The following INPP4A variants were observed in gnomAD, a reference collection of about 807,000 sequenced individuals.
INPP4A encodes the protein inositol polyphosphate-4-phosphatase, type I, 107kD.
A neutral mutation model predicts 119.8 loss-of-function variants in INPP4A; 33 were observed. The observed-to-expected ratio is 0.28, with a 90% CI of 0.21 to 0.37. INPP4A has a LOEUF of 0.37. Ranked by LOEUF, INPP4A falls within the 10% of genes least tolerant of loss-of-function variation. INPP4A has a pLI of 1.00. For missense variants in INPP4A, 956 were observed against 1,289.9 expected, an observed-to-expected ratio of 0.74 and a Z score of 3.97; for synonymous variants, 496 against 500.7, an observed-to-expected ratio of 0.99 and a Z score of 0.12.
chr2:98,566,280 C>A lies in INPP4A; in HGVS notation c.2420+111C>A. On this transcript the variant is annotated intron_variant, in intron 21 of 24. Transcript: ENST00000409851. The surrounding 1 kb of genome is among the most constrained non-coding windows in gnomAD (Gnocchi z 4.2). ...GTGCTGGACAGACTTTGTCATCCTT[C>A]CTTCCTTTGGCCAACATTTTCATCA... is the stretch of plus-strand genomic sequence containing the variant. 1 of 1,217,648 alleles carries A rather than the reference C, an allele frequency of 8.2e-7. No homozygotes were observed. The highest frequency in any genetic ancestry group is 1.1e-6 in the Non-Finnish European group (1 of 905,886). 75.4% of individuals were successfully genotyped at this position (1,217,648 alleles called of 1,614,324 possible).
intron 1 of INPP4A, among the ~76,000 whole-genome samples, chr2:98,448,583 G>C (rs1291803831): frequency 2.0e-5 from 3 of 151,982 alleles, no homozygotes; most frequent in Non-Finnish European, 2.9e-5. Context: ...GAAGACTACT[G>C]ACTTTTTAAG....
rs550142051 is a variant in INPP4A, at chr2:98,559,471, C to A, written c.1831C>A (p.Pro611Thr). Reference protein sequence around the residue: ...CHPHLTTHCSPPPEESSPGEW... With the variant: ...CHPHLTTHCSTPPEESSPGEW... The stretch of plus-strand genomic sequence containing the variant: ...CCTCCATTTCTGTGCAGATTGCAGT[C>A]CCCCTCCTGAAGAGTCCAGCCCAGG... Residue 611 changes from proline (P) to threonine (T), a missense_variant, in exon 17 of 25, where the codon CCC (proline) becomes ACC (threonine). By Grantham distance (38) the Pro-to-Thr change is conservative (BLOSUM62 -1). This residue lies in a region of INPP4A where 652 missense variants were observed against 797.9 expected (regional missense o/e 0.82). Transcript: ENST00000409851. 3.7e-6 allele frequency: 6 copies of A among 1,614,020 alleles called. No individual in the cohort carries two copies. The highest frequency in any genetic ancestry group is 5.1e-6 in the Non-Finnish European group (6 of 1,179,894).
At chr2:98,536,826 T>C (rs1690377427) in intron 7 of INPP4A, among the ~76,000 whole-genome samples, 1 of 152,176 alleles carries the variant, frequency 6.6e-6, no homozygotes, top group African/African-American at 2.4e-5. Context: ...CCCTGCAGTA[T>C]TGAGACATTC....
intron 1 of INPP4A, among the ~76,000 whole-genome samples, chr2:98,482,767 C>T (rs1678737792): frequency 6.6e-6 from 1 of 152,222 alleles, no homozygotes; most frequent in Non-Finnish European, 1.5e-5. Flanking sequence ...AGCTTTTGAT[C>T]TAAGCTTACA....
intron 24 of INPP4A, among the ~76,000 whole-genome samples, chr2:98,577,819 C>T (rs1279664595): frequency 6.6e-6 from 1 of 152,186 alleles, no homozygotes; most frequent in African/African-American, 2.4e-5. Flanking sequence ...CAGCCCCCTA[C>T]CTCACATACC....
At chr2:98,575,941 T>G (rs772183906) in intron 23 of INPP4A, among the ~76,000 whole-genome samples, 2 of 152,228 alleles carry the variant, frequency 1.3e-5, no homozygotes, top group Non-Finnish European at 2.9e-5. Context: ...GAAAGTACTG[T>G]GGTACACAGT....
chr2:98,543,058 T>C (rs1189888432), intron 10 of INPP4A, among the ~76,000 whole-genome samples: 3 of 152,078 alleles, frequency 2.0e-5, no homozygotes, highest in African/African-American at 7.2e-5. Context: ...TAGCTGGGAC[T>C]ACAGGCGCCC....
intron 7 of INPP4A, among the ~76,000 whole-genome samples, chr2:98,536,752 T>C (rs1690363288): frequency 6.6e-6 from 1 of 152,076 alleles, no homozygotes. Flanking sequence ...AAGGTAAAAA[T>C]TGGAGAACTG....
Position 98,566,219 on chromosome 2 carries a change from A to G in INPP4A, c.2420+50A>G. Reference sequence around the variant, plus strand: ...CGGGGGTGTGGTGGCCCTGGAGATGATGCAGAAAACGTACTTACCCCTCTT... The same window carrying G: ...CGGGGGTGTGGTGGCCCTGGAGATGGTGCAGAAAACGTACTTACCCCTCTT... On this transcript the variant is annotated intron_variant, in intron 21 of 24. Transcript: ENST00000409851. The surrounding 1 kb of genome is among the most constrained non-coding windows in gnomAD (Gnocchi z 4.2). 6.6e-7 allele frequency: 1 copy of G among 1,521,040 alleles called. No homozygotes were observed. Among genetic ancestry groups the G allele is most frequent in the Non-Finnish European group, 8.8e-7 (1 of 1,130,682 alleles). 94.2% of individuals were successfully genotyped at this position (1,521,040 alleles called of 1,614,324 possible).
In INPP4A at chr2:98,588,503, A is replaced by T. The variant is rs571651760; in HGVS notation, c.*895A>T. The T allele has an allele frequency of 1.6e-4, 34 of 214,268 alleles. No homozygotes were observed. Among genetic ancestry groups the T allele is most frequent in the East Asian group, 8.5e-4 (12 of 14,188 alleles). The allele number at this position is 214,268 out of a possible 1,614,324, so 13.3% of individuals were successfully genotyped here. On this transcript the variant is annotated 3_prime_UTR_variant, in exon 25 of 25. Transcript: ENST00000409851. ...AAACCTAAATATTTTCAGAAAAAAA[A>T]TTTTTTTTGCAGGATTTCCAATTTA... is the stretch of plus-strand genomic sequence containing the variant.
chr2:98,504,898 G>C (rs1320378615), intron 1 of INPP4A, among the ~76,000 whole-genome samples: 1 of 152,170 alleles, frequency 6.6e-6, no homozygotes, highest in Non-Finnish European at 1.5e-5. Flanking sequence ...TCAGGCCCAC[G>C]TGCCATCCTG....
chr2:98,502,295 G>A lies in INPP4A; in HGVS notation c.-165-16669G>A, dbSNP rs1683276583. Among the ~76,000 whole-genome samples, 3 of 125,962 alleles carry A rather than the reference G, an allele frequency of 2.4e-5. No homozygotes were observed. The South Asian group carries it at 8.0e-4, about 34-fold the overall frequency. The allele number at this position is 125,962 out of a possible 152,430, so 82.6% of individuals were successfully genotyped here. On this transcript the variant is annotated intron_variant, in intron 1 of 24. Coordinates refer to ENST00000409851, the MANE Select transcript of INPP4A (RefSeq NM_001134225.2). ...GGCAGGGCTTGAAGTTGGGTGGTAA[G>A]TGGGGGCTTGAGGTGGCTACATGTT...
chr2:98,572,739 C>T (rs1697695814), intron 22 of INPP4A, 76 bp from the exon 23 acceptor site: 1 of 957,748 alleles, frequency 1.0e-6, no homozygotes, highest in Non-Finnish European at 1.6e-6. Context: ...CCCAGCAGCT[C>T]ACTTGGGTGG....
chr2:98,574,462 A>G (rs1020460689), intron 23 of INPP4A, among the ~76,000 whole-genome samples: 9 of 151,764 alleles, frequency 5.9e-5, no homozygotes, highest in Admixed American at 2.0e-4. Context: ...ACATGGTGAA[A>G]CCCCATCTCT....
chr2:98,460,106 T>C (rs1162577963), intron 1 of INPP4A, among the ~76,000 whole-genome samples: 4 of 151,364 alleles, frequency 2.6e-5, no homozygotes, highest in Admixed American at 6.6e-5. Flanking sequence ...TCATCGTGTG[T>C]GTGTGTGTGT....
chr2:98,541,699 C>T (rs1691504350), intron 10 of INPP4A, among the ~76,000 whole-genome samples: 1 of 152,184 alleles, frequency 6.6e-6, no homozygotes, highest in Non-Finnish European at 1.5e-5. Flanking sequence ...ATCCTCTTAC[C>T]TCAGCTTCCT....
At chr2:98,488,966 TG>T in intron 1 of INPP4A, among the ~76,000 whole-genome samples, 2 of 151,520 alleles carry the variant, frequency 1.3e-5, no homozygotes, top group South Asian at 4.2e-4. Context: ...TGTGTGTGTG[TG>T]TGTGTGTGTG....
Position 98,588,776 on chromosome 2 carries a change from A to C in INPP4A, c.*1168A>C. 1 of 222,356 alleles carries C rather than the reference A, an allele frequency of 4.5e-6. No individual in the cohort carries two copies. The highest frequency in any genetic ancestry group is 6.7e-5 in the East Asian group (1 of 15,034). 13.8% of individuals were successfully genotyped at this position (222,356 alleles called of 1,614,324 possible). ...GATGAGTCTTATCTGCACATAGCAG[A>C]GTTTGTTTCTTAGGAGTTTATATGT... On this transcript the variant is annotated 3_prime_UTR_variant, in exon 25 of 25. Transcript: ENST00000409851.
intron 18 of INPP4A, among the ~76,000 whole-genome samples, chr2:98,564,004 A>G (rs141435462): frequency 6.6e-6 from 1 of 151,740 alleles, no homozygotes; most frequent in African/African-American, 2.4e-5. Context: ...TGTCAGTGCA[A>G]ACATTGCTCG....
Sources: gnomAD v4.1 joint callset for allele counts (sites outside exome capture counted in the v4.1 genomes callset) on GRCh38, gnomAD v4.1.1 for gene constraint, gnomAD v4.1.1 regional missense constraint, Gnocchi (gnomAD v3.1) non-coding constraint, MANE v1.5 for transcripts, NCBI Gene and HGNC (gene_info 2026-07-23, HGNC 2026-07-21) for gene names.